The following CA10 variants were observed in gnomAD, a reference collection of about 807,000 sequenced individuals.
CA10 encodes carbonic anhydrase-related protein 10.
A neutral mutation model predicts 44.2 loss-of-function variants in CA10; 14 were observed. The ratio of observed to expected loss-of-function variants is 0.32; its 90% CI spans 0.21 to 0.50. The LOEUF is 0.50. CA10 is among the 20% of genes least tolerant of loss of function. The pLI, the probability that CA10 is intolerant of heterozygous loss-of-function variation, is 0.99. For missense variants in CA10, 350 were observed against 409.7 expected, an observed-to-expected ratio of 0.85 and a Z score of 1.26; for synonymous variants, 159 against 141.6, an observed-to-expected ratio of 1.12 and a Z score of -0.87.
chr17:51,658,368 AAAC>A (rs1176401503), intron 4 of CA10, among the ~76,000 whole-genome samples: 1 of 152,230 alleles, frequency 6.6e-6, no homozygotes, highest in African/African-American at 2.4e-5. Flanking sequence ...GAAGGAAACA[AAAC>A]AAGATTTTGA....
chr17:51,673,665 C>T (rs187710668), intron 4 of CA10, among the ~76,000 whole-genome samples: 161 of 152,320 alleles, frequency 1.1e-3, no homozygotes, highest in African/African-American at 3.4e-3. Context: ...GCATCACTTC[C>T]TAACTGGTCT....
At chr17:51,955,367 G>A (rs191851996) in intron 2 of CA10, among the ~76,000 whole-genome samples, 30 of 152,068 alleles carry the variant, frequency 2.0e-4, no homozygotes, top group African/African-American at 5.1e-4. Context: ...TGTAAAGTCC[G>A]CATTCCTTAG....
At chr17:51,978,521 T>C (rs1457080424) in intron 2 of CA10, among the ~76,000 whole-genome samples, 1 of 151,528 alleles carries the variant, frequency 6.6e-6, no homozygotes, top group Non-Finnish European at 1.5e-5. Flanking sequence ...TAAGCAAACT[T>C]TAACCTCTAC....
intron 2 of CA10, among the ~76,000 whole-genome samples, chr17:51,984,099 C>T (rs1377942683): frequency 6.6e-6 from 1 of 151,632 alleles, no homozygotes; most frequent in Non-Finnish European, 1.5e-5. Context: ...TTCTATTAGA[C>T]TACTAATGTA....
chr17:51,979,944 C>A (rs1289412079), intron 2 of CA10, among the ~76,000 whole-genome samples: 2 of 152,074 alleles, frequency 1.3e-5, no homozygotes, highest in African/African-American at 2.4e-5. Context: ...TAGATTGATT[C>A]CAAGTCTTTG....
intron 2 of CA10, among the ~76,000 whole-genome samples, chr17:52,011,792 A>C (rs1334888284): frequency 6.6e-6 from 1 of 152,088 alleles, no homozygotes; most frequent in Non-Finnish European, 1.5e-5. Flanking sequence ...GTCATAAAGA[A>C]GACAGGGACC....
intron 3 of CA10, among the ~76,000 whole-genome samples, chr17:51,754,402 TATATATATA>T (rs1905008616): frequency 3.5e-4 from 1 of 2,882 alleles, no homozygotes; most frequent in South Asian, 0.01. Flanking sequence ...GTGTGTGTGA[TATATATATA>T]TATATATATA....
At chr17:51,682,969 G>T (rs910724049) in intron 4 of CA10, among the ~76,000 whole-genome samples, 1 of 152,192 alleles carries the variant, frequency 6.6e-6, no homozygotes, top group Non-Finnish European at 1.5e-5. Flanking sequence ...AAATCCAGAG[G>T]TCTTTGTCCC....
chr17:52,041,441 A>G (rs1201599191), intron 2 of CA10, among the ~76,000 whole-genome samples: 1 of 152,090 alleles, frequency 6.6e-6, no homozygotes, highest in Admixed American at 6.5e-5. Context: ...CCCCAGCTTT[A>G]TTAAGGTATA....
intron 2 of CA10, among the ~76,000 whole-genome samples, chr17:52,019,173 T>C (rs976818991): frequency 1.3e-5 from 2 of 152,066 alleles, no homozygotes; most frequent in Non-Finnish European, 2.9e-5. Flanking sequence ...TGTTCCTTTA[T>C]AGCAGCACAA....
intron 3 of CA10, among the ~76,000 whole-genome samples, chr17:51,763,549 C>A (rs1291941754): frequency 1.3e-5 from 2 of 152,190 alleles, no homozygotes; most frequent in East Asian, 3.8e-4. Flanking sequence ...CAAATGAAAT[C>A]ATCTGACCCA....
At position 51,832,942 on chromosome 17, in the gene CA10, G is replaced by A. The variant is rs556562826; in HGVS notation, c.280-85124C>T. On this transcript the variant is annotated intron_variant, in intron 3 of 8. Coordinates refer to ENST00000451037, the MANE Select transcript of CA10 (RefSeq NM_020178.5). ...GATCCATGCTTCAAATGGAGGCAGG[G>A]AAGTATGGGTGGAGGCTTCTGAGGT... 5.6e-4 allele frequency among the ~76,000 whole-genome samples: 86 copies of A among 152,278 alleles called. 1 individual carries two copies. In the South Asian group the frequency reaches 0.018, roughly 31 times the overall value.
At chr17:51,743,683 A>T (rs150609720) in intron 4 of CA10, among the ~76,000 whole-genome samples, 2 of 152,374 alleles carry the variant, frequency 1.3e-5, no homozygotes, top group Non-Finnish European at 2.9e-5. Flanking sequence ...AATGCCTGGC[A>T]TTAATTGACT....
rs76716333 is a variant in CA10, at chr17:51,677,798, C to T, written c.466-24062G>A. 5.9e-4 allele frequency among the ~76,000 whole-genome samples: 89 copies of T among 151,956 alleles called. 3 individuals are homozygous for T. The East Asian group carries it at 0.01, about 18-fold the overall frequency. ...GAACTCTTCAACTCAGTGCTTGGTACGGGGTAAGCACTCAAAACAATTTGG... is the reference window on the plus strand; with the variant it reads ...GAACTCTTCAACTCAGTGCTTGGTATGGGGTAAGCACTCAAAACAATTTGG... On this transcript the variant is annotated intron_variant, in intron 4 of 8. Transcript: ENST00000451037.
In CA10 at chr17:51,775,017, C is replaced by T. The variant is rs148224735; in HGVS notation, c.280-27199G>A. ...AAGCAGGTTCCCAGGCCTTGGGAGACCATTGTTCCCCATACCTCCTGACTC... is the reference window on the plus strand; with the variant it reads ...AAGCAGGTTCCCAGGCCTTGGGAGATCATTGTTCCCCATACCTCCTGACTC... On this transcript the variant is annotated intron_variant, in intron 3 of 8. Coordinates refer to ENST00000451037, the MANE Select transcript of CA10 (RefSeq NM_020178.5). 3.9e-3 allele frequency among the ~76,000 whole-genome samples: 593 copies of T among 152,202 alleles called. 3 individuals are homozygous for T. The highest frequency in any genetic ancestry group is 0.014 in the African/African-American group (564 of 41,524).
chr17:51,950,956 T>C (rs181488113), intron 2 of CA10, among the ~76,000 whole-genome samples: 4 of 152,296 alleles, frequency 2.6e-5, no homozygotes, highest in African/African-American at 4.8e-5. Context: ...GCCAAATACA[T>C]AGATGAATAA....
intron 3 of CA10, among the ~76,000 whole-genome samples, chr17:51,772,278 A>G (rs928992462): frequency 2.0e-5 from 3 of 152,246 alleles, no homozygotes; most frequent in African/African-American, 4.8e-5. Flanking sequence ...AACAATTACT[A>G]GTATTACCAT....
chr17:51,757,540 C>T (rs554673087), intron 3 of CA10, among the ~76,000 whole-genome samples: 3 of 152,234 alleles, frequency 2.0e-5, no homozygotes, highest in Non-Finnish European at 2.9e-5. Flanking sequence ...ACTCTTCCCC[C>T]TCCTCTTATT....
chr17:51,859,816 G>A (rs1433787543), intron 3 of CA10, among the ~76,000 whole-genome samples: 1 of 152,162 alleles, frequency 6.6e-6, no homozygotes, highest in Non-Finnish European at 1.5e-5. Context: ...TGGTAAACAG[G>A]ATCATCATTG....
Sources: allele counts gnomAD v4.1 joint callset (sites outside exome capture counted in the v4.1 genomes callset), GRCh38; gene constraint gnomAD v4.1.1; transcripts MANE v1.5; gene names NCBI Gene and HGNC (gene_info 2026-07-23, HGNC 2026-07-21).